The following RBFOX1 variants were observed in gnomAD, a reference collection of about 807,000 sequenced individuals.
RBFOX1 encodes RNA binding fox-1 homolog 1, also known as RNA binding protein fox-1 homolog 1.
A neutral mutation model predicts 57.7 loss-of-function variants in RBFOX1; 8 were observed. The observed-to-expected ratio is 0.14, with a 90% CI of 0.08 to 0.25. The LOEUF is 0.25. Among genes scored for constraint, RBFOX1 ranks in the 10% least tolerant of loss-of-function variants. The probability of loss-of-function intolerance (pLI) is 1.00; values close to 1 mark genes in which losing one functional copy is unlikely to be tolerated. For missense variants in RBFOX1, 611 were observed against 548.5 expected (o/e 1.11, Z -1.14); for synonymous variants, 326 against 222.4 (o/e 1.47, Z -4.15).
intron 14 of RBFOX1, among the ~76,000 whole-genome samples, chr16:7,706,544 A>G (rs2082503091): frequency 6.6e-6 from 1 of 152,196 alleles, no homozygotes; most frequent in African/African-American, 2.4e-5. Flanking sequence ...CAGAAGAGGA[A>G]ATTATTGCCA....
At chr16:7,454,489 G>C (rs1484075081) in intron 4 of RBFOX1, among the ~76,000 whole-genome samples, 1 of 152,180 alleles carries the variant, frequency 6.6e-6, no homozygotes, top group African/African-American at 2.4e-5. Context: ...GGCTATTATA[G>C]ATATGATCAA....
At chr16:5,483,254 C>T (rs749382073) in intron 2 of RBFOX1, among the ~76,000 whole-genome samples, 17 of 152,144 alleles carry the variant, frequency 1.1e-4, no homozygotes, top group Non-Finnish European at 2.2e-4. Flanking sequence ...GCACCAGTAG[C>T]AAGGATGGCA....
At chr16:7,350,258 C>T (rs531257680) in intron 4 of RBFOX1, among the ~76,000 whole-genome samples, 25 of 152,156 alleles carry the variant, frequency 1.6e-4, no homozygotes, top group Middle Eastern at 3.4e-3. Context: ...CAGCTGTGTA[C>T]AGTCGTGGGG....
At chr16:5,566,957 A>G (rs963367943) in intron 2 of RBFOX1, among the ~76,000 whole-genome samples, 6 of 152,190 alleles carry the variant, frequency 3.9e-5, no homozygotes, top group African/African-American at 7.2e-5. Flanking sequence ...ATTCATCAGA[A>G]TGAAGTGGCT....
At chr16:6,664,942 A>G (rs1050275768) in intron 3 of RBFOX1, among the ~76,000 whole-genome samples, 3 of 152,202 alleles carry the variant, frequency 2.0e-5, no homozygotes, top group African/African-American at 7.2e-5. Flanking sequence ...AGGGACAGAC[A>G]TCGTTTGTAA....
Position 5,528,855 on chromosome 16 carries a change from G to C in RBFOX1, c.258+61601G>C, listed in dbSNP as rs2044349938. The stretch of plus-strand genomic sequence containing the variant: ...AGTAAAGGTGAGGTTTCACCATGTT[G>C]GTTAAGCTGGTCTTGAACTCCTGAG... On this transcript the variant is annotated intron_variant, in intron 2 of 2. Transcript: ENST00000585867. Among the ~76,000 whole-genome samples, 5 of 152,088 alleles carry C rather than the reference G, an allele frequency of 3.3e-5. No individual in the cohort carries two copies. The South Asian group carries it at 1.0e-3, about 32-fold the overall frequency.
chr16:6,896,070 T>G (rs530169070), intron 3 of RBFOX1, among the ~76,000 whole-genome samples: 1 of 152,084 alleles, frequency 6.6e-6, no homozygotes, highest in African/African-American at 2.4e-5. Context: ...CTTAGGAGTT[T>G]GGGACCAACC....
At chr16:7,021,648 A>G (rs971426825) in intron 3 of RBFOX1, among the ~76,000 whole-genome samples, 2 of 147,746 alleles carry the variant, frequency 1.4e-5, no homozygotes, top group Admixed American at 1.4e-4. Context: ...AATTTTATTA[A>G]AATTTTTATT....
intron 2 of RBFOX1, among the ~76,000 whole-genome samples, chr16:6,590,072 G>C (rs140648085): frequency 7.2e-5 from 11 of 152,334 alleles, no homozygotes; most frequent in Admixed American, 2.0e-4. Context: ...AAAGATAACT[G>C]AAACAGTGAC....
intron 3 of RBFOX1, among the ~76,000 whole-genome samples, chr16:6,709,882 C>G (rs1292965579): frequency 7.9e-5 from 12 of 152,048 alleles, no homozygotes; most frequent in Admixed American, 7.9e-4. Context: ...GAGGGAACGG[C>G]CGGGGGCTAC....
intron 4 of RBFOX1, among the ~76,000 whole-genome samples, chr16:7,220,087 T>G (rs1400510579): frequency 1.3e-5 from 2 of 152,172 alleles, no homozygotes; most frequent in African/African-American, 4.8e-5. Context: ...AGATCAATTG[T>G]GTGTATCAGA....
At chr16:5,820,790 C>T (rs563846183) in intron 3 of RBFOX1, among the ~76,000 whole-genome samples, 4 of 152,296 alleles carry the variant, frequency 2.6e-5, no homozygotes, top group Admixed American at 6.5e-5. Flanking sequence ...GACGATCAGA[C>T]AGTTAGACAA....
intron 3 of RBFOX1, among the ~76,000 whole-genome samples, chr16:6,945,628 C>T (rs879711827): frequency 7.2e-5 from 11 of 152,004 alleles, no homozygotes; most frequent in Admixed American, 1.3e-4. Flanking sequence ...CGGTGGCTCA[C>T]GCCTGTAATC....
chr16:6,951,210 C>CT (rs1416793857), intron 3 of RBFOX1, among the ~76,000 whole-genome samples: 2 of 151,986 alleles, frequency 1.3e-5, no homozygotes, highest in East Asian at 1.9e-4. Flanking sequence ...CCCTGCCTAA[C>CT]TTTTTTTTCT....
chr16:6,293,583 C>T (rs1419395613), intron 1 of RBFOX1, among the ~76,000 whole-genome samples: 3 of 152,092 alleles, frequency 2.0e-5, no homozygotes, highest in Non-Finnish European at 4.4e-5. Flanking sequence ...CAATAAACAT[C>T]TGTGAGGTAG....
At chr16:6,990,474 G>A (rs529124749) in intron 3 of RBFOX1, among the ~76,000 whole-genome samples, 104 of 152,114 alleles carry the variant, frequency 6.8e-4, no homozygotes, top group Non-Finnish European at 1.2e-3. Context: ...GCAGTGAGTT[G>A]AGATCTCGCC....
intron 3 of RBFOX1, among the ~76,000 whole-genome samples, chr16:5,861,646 C>A (rs1048738940): frequency 6.6e-6 from 1 of 152,148 alleles, no homozygotes; most frequent in Non-Finnish European, 1.5e-5. Flanking sequence ...CCATAGGACT[C>A]CCCCTAATCC....
At chr16:5,985,404 G>A (rs908584650) in intron 4 of RBFOX1, among the ~76,000 whole-genome samples, 2 of 152,102 alleles carry the variant, frequency 1.3e-5, no homozygotes, top group African/African-American at 4.8e-5. Flanking sequence ...CCACAGTCCT[G>A]TAAGGTATAA....
chr16:5,306,098 G>A (rs2063926097), intron 1 of RBFOX1, among the ~76,000 whole-genome samples: 1 of 152,174 alleles, frequency 6.6e-6, no homozygotes, highest in Admixed American at 6.5e-5. Flanking sequence ...CTACTTGGGA[G>A]GCTGTGATGG....
Sources: allele counts gnomAD v4.1 joint callset (sites outside exome capture counted in the v4.1 genomes callset), GRCh38; gene constraint gnomAD v4.1.1; transcripts MANE v1.5; gene names NCBI Gene and HGNC (gene_info 2026-07-23, HGNC 2026-07-21).